The following NPR2 variants were observed in gnomAD, a reference collection of about 807,000 sequenced individuals.
NPR2 encodes natriuretic peptide receptor 2, also known as atrial natriuretic peptide receptor 2.
A neutral mutation model predicts 120.7 loss-of-function variants in NPR2; 49 were observed. The ratio of observed to expected loss-of-function variants is 0.41; its 90% CI spans 0.32 to 0.52. The LOEUF is 0.52. NPR2 is among the 20% of genes least tolerant of loss of function. The probability of loss-of-function intolerance (pLI) is 0.36; values close to 1 mark genes in which losing one functional copy is unlikely to be tolerated. For synonymous variants in NPR2, 484 were observed against 519.8 expected (o/e 0.93, Z 0.94); for missense variants, 931 against 1,362.9 (o/e 0.68, Z 4.99).
At chr9:35,793,201 A>G in intron 1 of NPR2, 126 bp downstream of exon 1, 2 of 1,058,766 alleles carry the variant, frequency 1.9e-6, no homozygotes. Context: ...GGGATCAAGA[A>G]GCACACGTGG....
chr9:35,804,718 T>C (rs1404158047), intron 12 of NPR2, among the ~76,000 whole-genome samples: 120 of 141,218 alleles, frequency 8.5e-4, no homozygotes, highest in African/African-American at 1.4e-3. Context: ...CTACCCCGAC[T>C]TGCCCACCTC....
intron 7 of NPR2, 56 bp from the exon 8 acceptor site, chr9:35,801,587 G>T: frequency 6.2e-7 from 1 of 1,610,536 alleles, no homozygotes; most frequent in Admixed American, 1.7e-5. Context: ...CCTGCTGTTG[G>T]CTTGGGGGTG....
rs752719844 is a variant in NPR2 at position 35,802,527 on chromosome 9, C to A, written c.1735C>A (p.Leu579Ile). 3 of 1,603,884 alleles carry A rather than the reference C, an allele frequency of 1.9e-6. No individual in the cohort carries two copies. The highest frequency in any genetic ancestry group is 1.7e-4 in the Middle Eastern group (1 of 6,046). The change falls in exon 11 of 22, where the codon CTC becomes ATC. Residue 579 changes from leucine to isoleucine, a missense_variant. Transcript: ENST00000342694. The surrounding 1 kb of genome is among the most constrained non-coding windows in gnomAD (Gnocchi z 4.2). The stretch of plus-strand genomic sequence containing the variant: ...GATGAGAGATGTTCAGTTCAACCAT[C>A]TCACTCGCTTCATTGGCGCCTGCAT... ...KHMRDVQFNH[L>I]TRFIGACIDP...
rs780668662 is a variant in NPR2 at position 35,807,029 on chromosome 9, G to A, written c.2526G>A (p.Val842=). The part of the protein sequence containing the change: ...ALLYQILPHS[V]AEQLKRGETV... ...CGGCACCCTTGCTTCCTAGTTCAGT[G>A]GCAGAGCAGTTAAAACGGGGAGAGA... Residue 842 remains valine (V), a synonymous_variant, in exon 17 of 22, where the codon GTG becomes GTA. Transcript: ENST00000342694. 1 of 1,614,132 alleles carries A rather than the reference G, an allele frequency of 6.2e-7. No homozygotes were observed. The highest frequency in any genetic ancestry group is 2.2e-5 in the East Asian group (1 of 44,884).
chr9:35,800,522 C>T lies in NPR2; in HGVS notation c.1218+39C>T, dbSNP rs61758526. ...AGGCAGGGAAGAGAGTGTGGCCCTGCAAAATCCAGCTTTCAAGGGTTCAGT... is the reference window on the plus strand; with the variant it reads ...AGGCAGGGAAGAGAGTGTGGCCCTGTAAAATCCAGCTTTCAAGGGTTCAGT... On this transcript the variant is annotated intron_variant, in intron 5 of 21. Coordinates refer to ENST00000342694, the MANE Select transcript of NPR2 (RefSeq NM_003995.4). The surrounding 1 kb of genome is among the most constrained non-coding windows in gnomAD (Gnocchi z 4.7). The T allele has an allele frequency of 2.6e-3, 4,118 of 1,589,128 alleles. 16 individuals carry two copies. Among genetic ancestry groups the T allele is most frequent in the African/African-American group, 0.02 (1,493 of 74,450 alleles).
At position 35,809,261 on chromosome 9, in the gene NPR2, A is replaced by G. The variant is rs375292860; in HGVS notation, c.3078+14A>G. 33 of 1,609,238 alleles carry G rather than the reference A, an allele frequency of 2.1e-5. No homozygotes were observed. Among genetic ancestry groups the G allele is most frequent in the Non-Finnish European group, 2.8e-5 (33 of 1,175,686 alleles). On this transcript the variant is annotated intron_variant, in intron 21 of 21. Coordinates refer to ENST00000342694, the MANE Select transcript of NPR2 (RefSeq NM_003995.4). This position sits in a 1 kb window ranked among gnomAD's most constrained non-coding sequence, Gnocchi z 4.1. ...GTGGAAATGAAGGTGATGGCAGGCC[A>G]TGGGGAGGGGGGCATGGAAAGGGAG... is the stretch of plus-strand genomic sequence containing the variant.
In NPR2 at chr9:35,792,338, G is replaced by C; in HGVS notation, c.-71G>C. On this transcript the variant is annotated 5_prime_UTR_variant, in exon 1 of 22. Coordinates refer to ENST00000342694, the MANE Select transcript of NPR2 (RefSeq NM_003995.4). ...TCTTCCCCAGGCTCCAGGCTGGGGGGTGCTCGCGTCTCCCCTGTAGGCCAG... is the reference window on the plus strand; with the variant it reads ...TCTTCCCCAGGCTCCAGGCTGGGGGCTGCTCGCGTCTCCCCTGTAGGCCAG... The C allele has an allele frequency of 6.6e-7, 1 of 1,506,810 alleles. No individual in the cohort carries two copies. Among genetic ancestry groups the C allele is most frequent in the South Asian group, 1.2e-5 (1 of 80,402 alleles). The allele number at this position is 1,506,810 out of a possible 1,614,324, so 93.3% of individuals were successfully genotyped here.
rs61758533 is a variant in NPR2, at chr9:35,806,619, C to T, written c.2519+81C>T. The T allele has an allele frequency of 0.015, 23,119 of 1,495,532 alleles. 304 individuals are homozygous for T. The highest frequency in any genetic ancestry group is 0.041 in the Admixed American group (2,423 of 59,734). 92.6% of individuals were successfully genotyped at this position (1,495,532 alleles called of 1,614,324 possible). ...CTGCCTCATCAGGCACCTGAGAACT[C>T]GCCTCCCCACCCTCAGAACCCTGCT... is the stretch of plus-strand genomic sequence containing the variant. On this transcript the variant is annotated intron_variant, in intron 16 of 21. Transcript: ENST00000342694. The surrounding 1 kb of genome is among the most constrained non-coding windows in gnomAD (Gnocchi z 4.6).
In NPR2 at chr9:35,792,818, G is replaced by T. The variant is rs115064396; in HGVS notation, c.410G>T (p.Arg137Leu). ...TTTTCGGCTAAGAATGACCATTATC[G>T]TACCCTGGTTCGCACTGGCCCCTCT... Reference protein sequence around the residue: ...SGFSAKNDHYRTLVRTGPSAP... With the variant: ...SGFSAKNDHYLTLVRTGPSAP... Residue 137 changes from arginine to leucine, a missense_variant, in exon 1 of 22, where the codon CGT becomes CTT. Transcript: ENST00000342694. 3 of 1,614,140 alleles carry T rather than the reference G, an allele frequency of 1.9e-6. No homozygotes were observed. Among genetic ancestry groups the T allele is most frequent in the Non-Finnish European group, 2.5e-6 (3 of 1,180,016 alleles).
At position 35,808,450 on chromosome 9, in the gene NPR2, C is replaced by A; in HGVS notation, c.2713-59C>A. On this transcript the variant is annotated intron_variant, in intron 18 of 21. Coordinates refer to ENST00000342694, the MANE Select transcript of NPR2 (RefSeq NM_003995.4). This position sits in a 1 kb window ranked among gnomAD's most constrained non-coding sequence, Gnocchi z 4.0. ...ATGGTGTCAAGCTTGTCTCCCTCTA[C>A]TTTTTCCCATCCCCATGGATATAAA... is the stretch of plus-strand genomic sequence containing the variant. The A allele has an allele frequency of 1.3e-6, 2 of 1,572,172 alleles. No individual in the cohort carries two copies. Among genetic ancestry groups the A allele is most frequent in the Non-Finnish European group, 1.7e-6 (2 of 1,143,048 alleles).
In NPR2 at chr9:35,792,329, G is replaced by T; in HGVS notation, c.-80G>T. 6.8e-7 allele frequency: 1 copy of T among 1,474,330 alleles called. No individual in the cohort carries two copies. The highest frequency in any genetic ancestry group is 1.3e-5 in the South Asian group (1 of 78,268). 91.3% of individuals were successfully genotyped at this position (1,474,330 alleles called of 1,614,324 possible). ...TCCTGGCCCTCTTCCCCAGGCTCCA[G>T]GCTGGGGGGTGCTCGCGTCTCCCCT... On this transcript the variant is annotated 5_prime_UTR_variant, in exon 1 of 22. The change creates a new upstream start codon in the 5' untranslated region. Coordinates refer to ENST00000342694, the MANE Select transcript of NPR2 (RefSeq NM_003995.4).
At chr9:35,794,160 C>CTCTCACAAGGG in intron 2 of NPR2, 57 bp downstream of exon 2, 2 of 1,525,124 alleles carry the variant, frequency 1.3e-6, no homozygotes, top group Non-Finnish European at 1.8e-6. Context: ...GCTGGAAATT[C>CTCTCACAAGGG]TCTCTCACAA....
At position 35,801,913 on chromosome 9, in the gene NPR2, C is replaced by T; in HGVS notation, c.1558-13C>T. 1 of 1,613,866 alleles carries T rather than the reference C, an allele frequency of 6.2e-7. No individual in the cohort carries two copies. Among genetic ancestry groups the T allele is most frequent in the Non-Finnish European group, 8.5e-7 (1 of 1,179,736 alleles). On this transcript the variant is annotated splice_polypyrimidine_tract_variant and intron_variant, in intron 8 of 21. Coordinates refer to ENST00000342694, the MANE Select transcript of NPR2 (RefSeq NM_003995.4). ...CTTTCATCCTTCCGCCTCCATGTTG[C>T]CCTTGGCCCCAGCGGGGATCCAGTT...
chr9:35,808,067 A>T lies in NPR2; in HGVS notation c.2713-442A>T, dbSNP rs1405139829. The T allele has an allele frequency of 6.2e-6, 5 of 802,202 alleles. No homozygotes were observed. Among genetic ancestry groups the T allele is most frequent in the Non-Finnish European group, 1.1e-5 (5 of 467,502 alleles). The allele number at this position is 802,202 out of a possible 1,614,324, so 49.7% of individuals were successfully genotyped here. A position where few individuals can be genotyped will look rare whatever the true frequency, so the allele number is the denominator to read the frequency against. Reference sequence around the variant, plus strand: ...GTATTTCCTTAAAACAATGGCATTTATTCTCTTACATAGCTTTGGCACAAT... The same window carrying T: ...GTATTTCCTTAAAACAATGGCATTTTTTCTCTTACATAGCTTTGGCACAAT... On this transcript the variant is annotated intron_variant, in intron 18 of 21. Transcript: ENST00000342694. The surrounding 1 kb of genome is among the most constrained non-coding windows in gnomAD (Gnocchi z 4.0).
In NPR2 at chr9:35,806,228, T is replaced by G. The variant is rs1388094804; in HGVS notation, c.2367T>G (p.Phe789Leu). 6.2e-7 allele frequency: 1 copy of G among 1,614,132 alleles called. No homozygotes were observed. Among genetic ancestry groups the G allele is most frequent in the African/African-American group, 1.3e-5 (1 of 75,038 alleles). The change falls in exon 15 of 22, where the codon TTT becomes TTG. Residue 789 changes from phenylalanine to leucine, a missense_variant. Coordinates refer to ENST00000342694, the MANE Select transcript of NPR2 (RefSeq NM_003995.4). The surrounding 1 kb of genome is among the most constrained non-coding windows in gnomAD (Gnocchi z 4.6). ...FGQIKGFIRR[F>L]NKEGGTSILD... ...AGATTAAGGGCTTCATTCGGCGCTT[T>G]AACAAGTGAGAGGGCATTATGGGGC...
chr9:35,809,436 A>T lies in NPR2; in HGVS notation c.3135A>T (p.Gly1045=). Residue 1045 remains glycine (G), a synonymous_variant, in exon 22 of 22, where the codon GGA becomes GGT. Coordinates refer to ENST00000342694, the MANE Select transcript of NPR2 (RefSeq NM_003995.4). The surrounding 1 kb of genome is among the most constrained non-coding windows in gnomAD (Gnocchi z 4.1). ...TAGGAGAGCGGAAAGGACCTCCTGG[A>T]CTCCTGTAAACCCCCATTCTTTCCA... The part of the protein sequence containing the change: ...WLLGERKGPP[G]LL 1 of 1,613,934 alleles carries T rather than the reference A, an allele frequency of 6.2e-7. No homozygotes were observed. Among genetic ancestry groups the T allele is most frequent in the Non-Finnish European group, 8.5e-7 (1 of 1,179,974 alleles).
rs200230374 is a variant in NPR2, at chr9:35,792,386, G to T, written c.-23G>T. 13 of 1,606,304 alleles carry T rather than the reference G, an allele frequency of 8.1e-6. No individual in the cohort carries two copies. In the Admixed American group the frequency reaches 1.7e-4, roughly 21 times the overall value. On this transcript the variant is annotated 5_prime_UTR_variant, in exon 1 of 22. Transcript: ENST00000342694. ...CAGAGCAGCCCCAAGTTCTGGGGGC[G>T]GTGGGGCTGCTGCTTTATCCCCATG...
chr9:35,807,154 C>A lies in NPR2; in HGVS notation c.2643+8C>A. On this transcript the variant is annotated splice_region_variant and intron_variant, in intron 17 of 21. Transcript: ENST00000342694. ...GAGAGCACCCCCATGCAGGTGAGAG[C>A]CATGGGTGAGAGGTGGCGGGTGGGG... The A allele has an allele frequency of 7.8e-7, 1 of 1,286,022 alleles. No homozygotes were observed. The highest frequency in any genetic ancestry group is 1.1e-6 in the Non-Finnish European group (1 of 927,336). 79.7% of individuals were successfully genotyped at this position (1,286,022 alleles called of 1,614,324 possible). A position where few individuals can be genotyped will look rare whatever the true frequency, so the allele number is the denominator to read the frequency against.
At chr9:35,793,150 T>G in intron 1 of NPR2, 75 bp downstream of exon 1, 1 of 1,419,642 alleles carries the variant, frequency 7.0e-7, no homozygotes, top group South Asian at 1.4e-5. Context: ...ACTGGGGAAC[T>G]GTAGATGGAG....
Sources: gnomAD v4.1 joint callset for allele counts (sites outside exome capture counted in the v4.1 genomes callset) on GRCh38, gnomAD v4.1.1 for gene constraint, Gnocchi (gnomAD v3.1) non-coding constraint, MANE v1.5 for transcripts, NCBI Gene and HGNC (gene_info 2026-07-23, HGNC 2026-07-21) for gene names.